CC2D2A: variants seen among roughly 807,000 people sequenced by gnomAD.
CC2D2A encodes coiled-coil and C2 domain containing 2A.
CC2D2A carries 155 observed loss-of-function variants against 212.9 expected under a neutral mutation model. The ratio of observed to expected loss-of-function variants is 0.73; its 90% CI spans 0.64 to 0.83. CC2D2A has a LOEUF of 0.83. Among genes scored for constraint, CC2D2A ranks in the 40% least tolerant of loss-of-function variants. The pLI, the probability that CC2D2A is intolerant of heterozygous loss-of-function variation, is 0.00. For missense variants in CC2D2A, 1,856 were observed against 1,956.2 expected, an observed-to-expected ratio of 0.95 and a Z score of 0.97; for synonymous variants, 667 against 686.5, an observed-to-expected ratio of 0.97 and a Z score of 0.44.
chr4:15,505,751 TG>T (rs1379148807), intron 6 of CC2D2A, among the ~76,000 whole-genome samples: 2 of 152,182 alleles, frequency 1.3e-5, no homozygotes, highest in Non-Finnish European at 1.5e-5. Context: ...ATTAAAAACT[TG>T]TACTTCAAAG....
intron 4 of CC2D2A, among the ~76,000 whole-genome samples, chr4:15,491,487 C>A (rs1479620409): frequency 6.6e-6 from 1 of 152,230 alleles, no homozygotes; most frequent in Non-Finnish European, 1.5e-5. Context: ...TCACTGCAAC[C>A]TCCACCTCCT....
chr4:15,573,144 C>T (rs1720243527), intron 28 of CC2D2A, among the ~76,000 whole-genome samples: 1 of 127,964 alleles, frequency 7.8e-6, no homozygotes, highest in Non-Finnish European at 1.7e-5. Context: ...CCAATCGATA[C>T]TTAACCACCA....
At chr4:15,582,556 G>T (rs1720704727) in intron 30 of CC2D2A, among the ~76,000 whole-genome samples, 1 of 150,620 alleles carries the variant, frequency 6.6e-6, no homozygotes, top group South Asian at 2.1e-4. Context: ...GATTATAAGA[G>T]ACTTATTTGA....
Position 15,601,435 on chromosome 4 carries a change from C to G in CC2D2A, c.*10C>G, listed in dbSNP as rs1294155381. 1 of 1,438,494 alleles carries G rather than the reference C, an allele frequency of 7.0e-7. No homozygotes were observed. Among genetic ancestry groups the G allele is most frequent in the Admixed American group, 2.8e-5 (1 of 36,302 alleles). 89.1% of individuals were successfully genotyped at this position (1,438,494 alleles called of 1,614,324 possible). A position where few individuals can be genotyped will look rare whatever the true frequency, so the allele number is the denominator to read the frequency against. Reference sequence around the variant, plus strand: ...TATACGCAACAGGTAATTTTTTTCACTGTACTTTCTGTATCATGTAAAAAC... The same window carrying G: ...TATACGCAACAGGTAATTTTTTTCAGTGTACTTTCTGTATCATGTAAAAAC... On this transcript the variant is annotated 3_prime_UTR_variant, in exon 37 of 37. Coordinates refer to ENST00000424120, the MANE Select transcript of CC2D2A (RefSeq NM_001378615.1).
At chr4:15,481,932 A>G (rs1714693068) in intron 4 of CC2D2A, 1 of 985,344 alleles carries the variant, frequency 1.0e-6, no homozygotes, top group South Asian at 4.7e-5. Flanking sequence ...CATTGAGGAC[A>G]CATATACTTC....
intron 3 of CC2D2A, chr4:15,479,099 C>G (rs1032400794): frequency 9.3e-6 from 7 of 751,916 alleles, no homozygotes; most frequent in African/African-American, 3.5e-5. Flanking sequence ...ATGGAAGGAG[C>G]CTGTTTTAGT....
At chr4:15,502,747 A>T (rs1447709834) in intron 5 of CC2D2A, 75 bp from the exon 6 acceptor site, 36 of 1,270,026 alleles carry the variant, frequency 2.8e-5, no homozygotes, top group Admixed American at 6.4e-5. Context: ...AAAGAAGGAT[A>T]GCATGTATTT....
intron 4 of CC2D2A, among the ~76,000 whole-genome samples, chr4:15,490,678 GAGA>G (rs1424567063): frequency 6.6e-6 from 1 of 152,032 alleles, no homozygotes; most frequent in Non-Finnish European, 1.5e-5. Context: ...GGTAGTAAGG[GAGA>G]AGACTACCCC....
intron 18 of CC2D2A, 53 bp from the exon 19 acceptor site, chr4:15,553,105 A>G: frequency 3.3e-6 from 5 of 1,512,400 alleles, no homozygotes; most frequent in Non-Finnish European, 4.4e-6. Flanking sequence ...TGCCAGGACT[A>G]GGCTCAGTCC....
chr4:15,583,074 A>G (rs2109085753), intron 30 of CC2D2A, among the ~76,000 whole-genome samples: 1 of 152,338 alleles, frequency 6.6e-6, no homozygotes, highest in East Asian at 1.9e-4. Context: ...CATTTACAGA[A>G]TCAAGGACAA....
intron 33 of CC2D2A, among the ~76,000 whole-genome samples, chr4:15,590,349 T>C (rs1219120098): frequency 6.6e-6 from 1 of 152,204 alleles, no homozygotes; most frequent in Non-Finnish European, 1.5e-5. Flanking sequence ...ACCCCGTCTC[T>C]ACTGAAAATA....
At chr4:15,512,009 C>T in intron 8 of CC2D2A, among the ~76,000 whole-genome samples, 1 of 152,124 alleles carries the variant, frequency 6.6e-6, no homozygotes, top group East Asian at 1.9e-4. Context: ...GCAAATCAAA[C>T]CCACAATGAG....
chr4:15,597,278 T>C (rs1268725594), intron 34 of CC2D2A, 129 bp from the exon 35 acceptor site: 11 of 717,284 alleles, frequency 1.5e-5, no homozygotes, highest in Non-Finnish European at 2.7e-5. Context: ...CATGGGTACA[T>C]CAGCATGCAT....
At chr4:15,575,479 C>A (rs879569537) in intron 29 of CC2D2A, among the ~76,000 whole-genome samples, 3 of 152,116 alleles carry the variant, frequency 2.0e-5, no homozygotes, top group African/African-American at 7.2e-5. Context: ...CACATGTAAG[C>A]GTAAGTTGTT....
chr4:15,524,698 G>A (rs888958320), intron 11 of CC2D2A, among the ~76,000 whole-genome samples: 11 of 152,016 alleles, frequency 7.2e-5, no homozygotes, highest in Admixed American at 2.6e-4. Context: ...TGATCTGCCC[G>A]CCTTGGCCTC....
chr4:15,567,701 GTC>G lies in CC2D2A; in HGVS notation c.3317_3318del (p.Ser1106PhefsTer12). On this transcript the variant is annotated frameshift_variant, in exon 26 of 37. Transcript: ENST00000424120. LOFTEE classifies it high-confidence loss of function. ...GGTTTTAGTACGTCCCTTTGTAGAA[GTC>G]TCTTTTCAACGAACAGTTTGCCATA... ...GQVLVRPFVE[V>X]SFQRTVCHTT... The G allele has an allele frequency of 1.2e-6, 2 of 1,605,168 alleles. No individual in the cohort carries two copies. Among genetic ancestry groups the G allele is most frequent in the East Asian group, 4.5e-5 (2 of 44,712 alleles).
chr4:15,549,186 G>A (rs938038711), intron 17 of CC2D2A, among the ~76,000 whole-genome samples: 2 of 152,140 alleles, frequency 1.3e-5, no homozygotes, highest in Non-Finnish European at 2.9e-5. Flanking sequence ...TGACAGGTCT[G>A]TGGCATATTA....
intron 26 of CC2D2A, 107 bp from the exon 27 acceptor site, chr4:15,569,186 C>A: frequency 3.1e-6 from 2 of 651,254 alleles, no homozygotes; most frequent in Admixed American, 5.2e-5. Context: ...GCTTTTAATT[C>A]TAACATCTAT....
chr4:15,562,714 A>G (rs1719675916), intron 23 of CC2D2A, among the ~76,000 whole-genome samples: 1 of 152,224 alleles, frequency 6.6e-6, no homozygotes, highest in Admixed American at 6.5e-5. Flanking sequence ...TCCACATTTT[A>G]CAGATGATGA....
Sources: allele counts gnomAD v4.1 joint callset (sites outside exome capture counted in the v4.1 genomes callset), GRCh38; gene constraint gnomAD v4.1.1; transcripts MANE v1.5; gene names NCBI Gene and HGNC (gene_info 2026-07-23, HGNC 2026-07-21).